GALNT10: variants seen among roughly 807,000 people sequenced by gnomAD.
The protein encoded by GALNT10 is GalNAc transferase 10.
Under a neutral mutation model 75.0 loss-of-function variants are expected in GALNT10, and 41 were observed. That is an observed-to-expected ratio of 0.55 (90% CI 0.43 to 0.71). GALNT10 has a LOEUF of 0.71. GALNT10 is among the 30% of genes least tolerant of loss of function. GALNT10 has a pLI of 0.00. For missense variants in GALNT10, 727 were observed against 818.5 expected, an observed-to-expected ratio of 0.89 and a Z score of 1.36; for synonymous variants, 302 against 313.0, an observed-to-expected ratio of 0.96 and a Z score of 0.37.
intron 4 of GALNT10, among the ~76,000 whole-genome samples, chr5:154,343,489 G>A (rs902737708): frequency 3.3e-5 from 5 of 152,132 alleles, no homozygotes; most frequent in African/African-American, 9.7e-5. Context: ...AAGTTGGGCC[G>A]GCCTTGTGAC....
chr5:154,252,771 G>A (rs1753544083), intron 1 of GALNT10, among the ~76,000 whole-genome samples: 1 of 151,676 alleles, frequency 6.6e-6, no homozygotes, highest in African/African-American at 2.4e-5. Flanking sequence ...TTGAATTTTA[G>A]TTTTTCATAT....
chr5:154,407,483 T>C (rs3776992), intron 8 of GALNT10, among the ~76,000 whole-genome samples: 41,658 of 152,106 alleles, frequency 0.27, 6,200 homozygotes, highest in East Asian at 0.49. Flanking sequence ...TAAAATATGA[T>C]GTTATTCAAT....
intron 3 of GALNT10, among the ~76,000 whole-genome samples, chr5:154,322,207 G>T (rs1053856569): frequency 6.6e-6 from 1 of 152,084 alleles, no homozygotes; most frequent in African/African-American, 2.4e-5. Context: ...GGCTCTAGGG[G>T]AACGTTGCTT....
chr5:154,242,146 A>T (rs988024), intron 1 of GALNT10, among the ~76,000 whole-genome samples: 56,179 of 152,058 alleles, frequency 0.37, 12,538 homozygotes, highest in East Asian at 0.85. Context: ...GGACTTGCTC[A>T]AAGTTGCATA....
intron 3 of GALNT10, among the ~76,000 whole-genome samples, chr5:154,307,518 G>T (rs1454350030): frequency 6.6e-6 from 1 of 151,844 alleles, no homozygotes; most frequent in African/African-American, 2.4e-5. Flanking sequence ...TACTCGGGAG[G>T]CTGAGGCAGG....
chr5:154,375,401 G>C (rs999883669), intron 4 of GALNT10, among the ~76,000 whole-genome samples: 1 of 152,170 alleles, frequency 6.6e-6, no homozygotes, highest in Non-Finnish European at 1.5e-5. Context: ...CCAACATTGA[G>C]GCTGAGACTT....
intron 3 of GALNT10, among the ~76,000 whole-genome samples, chr5:154,321,593 C>G (rs1007488810): frequency 1.3e-5 from 2 of 152,078 alleles, no homozygotes; most frequent in East Asian, 1.9e-4. Flanking sequence ...CAAAGTGTTG[C>G]GATTACAGGT....
rs115980154 is a variant in GALNT10 at position 154,249,298 on chromosome 5, G to A, written c.160-45518G>A. ...GTTTCTAGGAGATGCTAATGCTGCC[G>A]GACTGGGGACCGCACTGTCCTAGGT... On this transcript the variant is annotated intron_variant, in intron 1 of 11. Transcript: ENST00000297107. 3.4e-3 allele frequency among the ~76,000 whole-genome samples: 518 copies of A among 152,288 alleles called. 3 individuals are homozygous for A. The highest frequency in any genetic ancestry group is 5.9e-3 in the Non-Finnish European group (401 of 68,022).
In GALNT10 at chr5:154,190,740, A is replaced by G; in HGVS notation, c.-127A>G. The G allele has an allele frequency of 3.9e-6, 1 of 259,614 alleles. No individual in the cohort carries two copies. The highest frequency in any genetic ancestry group is 5.9e-6 in the Non-Finnish European group (1 of 170,092). 16.1% of individuals were successfully genotyped at this position (259,614 alleles called of 1,614,324 possible). Reference sequence around the variant, plus strand: ...AGCGGCGGAAGTGCCGCGGAGTTGGAGCGGGGCCGGCGCCGCAGCCGCTTC... The same window carrying G: ...AGCGGCGGAAGTGCCGCGGAGTTGGGGCGGGGCCGGCGCCGCAGCCGCTTC... On this transcript the variant is annotated 5_prime_UTR_variant, in exon 1 of 12. Transcript: ENST00000297107.
At chr5:154,374,458 G>T (rs1035933140) in intron 4 of GALNT10, among the ~76,000 whole-genome samples, 1 of 152,178 alleles carries the variant, frequency 6.6e-6, no homozygotes, top group African/African-American at 2.4e-5. Flanking sequence ...TTCCCTAAGT[G>T]TACCAGCACA....
At chr5:154,201,336 C>G (rs570423129) in intron 1 of GALNT10, among the ~76,000 whole-genome samples, 14 of 152,080 alleles carry the variant, frequency 9.2e-5, no homozygotes, top group African/African-American at 2.7e-4. Context: ...ATAAGTGACA[C>G]GACTAGTACC....
rs76516491 is a variant in GALNT10 at position 154,251,270 on chromosome 5, C to T, written c.160-43546C>T. Among the ~76,000 whole-genome samples, 12 of 152,170 alleles carry T rather than the reference C, an allele frequency of 7.9e-5. No homozygotes were observed. The East Asian group carries it at 2.1e-3, about 27-fold the overall frequency. On this transcript the variant is annotated intron_variant, in intron 1 of 11. Transcript: ENST00000297107. The stretch of plus-strand genomic sequence containing the variant: ...TCACTCTTTTCATTTTAAAAATGGA[C>T]TTATCACCCGAATGTGTACCCATAT...
At chr5:154,356,131 AAG>A (rs1755286531) in intron 4 of GALNT10, 1 of 456,102 alleles carries the variant, frequency 2.2e-6, no homozygotes, top group Non-Finnish European at 4.4e-6. Context: ...TCCAGCTAAA[AAG>A]ATTATGTCTG....
chr5:154,246,970 T>C (rs1219419289), intron 1 of GALNT10, among the ~76,000 whole-genome samples: 2 of 152,232 alleles, frequency 1.3e-5, no homozygotes, highest in Non-Finnish European at 2.9e-5. Flanking sequence ...TTAATCCATC[T>C]TGAATTAATT....
chr5:154,279,304 GTT>G (rs1199051669), intron 1 of GALNT10, among the ~76,000 whole-genome samples: 2,256 of 101,318 alleles, frequency 0.022, 50 homozygotes, highest in African/African-American at 0.079. Flanking sequence ...TTGTTGTTTT[GTT>G]TTTTTTTTTT....
At chr5:154,403,477 G>C (rs1223704513) in intron 7 of GALNT10, among the ~76,000 whole-genome samples, 1 of 152,218 alleles carries the variant, frequency 6.6e-6, no homozygotes, top group Non-Finnish European at 1.5e-5. Flanking sequence ...TAGCAAGCCA[G>C]ACTCAGAGAA....
chr5:154,221,252 G>A (rs1365054985), intron 1 of GALNT10, among the ~76,000 whole-genome samples: 3 of 152,126 alleles, frequency 2.0e-5, no homozygotes, highest in Non-Finnish European at 4.4e-5. Flanking sequence ...TATGTCCCTC[G>A]GCTGCTCCAC....
At chr5:154,344,857 A>T (rs556949450) in intron 4 of GALNT10, among the ~76,000 whole-genome samples, 2 of 152,326 alleles carry the variant, frequency 1.3e-5, no homozygotes, top group East Asian at 3.9e-4. Flanking sequence ...GACTTCCTAA[A>T]GTCATATGGC....
chr5:154,295,983 T>C (rs1392999564), intron 2 of GALNT10, among the ~76,000 whole-genome samples: 2 of 152,212 alleles, frequency 1.3e-5, no homozygotes, highest in Non-Finnish European at 1.5e-5. Flanking sequence ...ACCACAAGGC[T>C]CTGAATAGAG....
Sources: gnomAD v4.1 joint callset for allele counts (sites outside exome capture counted in the v4.1 genomes callset) on GRCh38, gnomAD v4.1.1 for gene constraint, MANE v1.5 for transcripts, NCBI Gene and HGNC (gene_info 2026-07-23, HGNC 2026-07-21) for gene names.